DYNC2I1: variants seen among roughly 807,000 people sequenced by gnomAD.
The protein encoded by DYNC2I1 is dynein 2 intermediate chain 1.
A neutral mutation model predicts 133.4 loss-of-function variants in DYNC2I1; 89 were observed. The ratio of observed to expected loss-of-function variants is 0.67; its 90% CI spans 0.56 to 0.80. The LOEUF (loss-of-function observed/expected upper bound fraction) is 0.80, where lower values mean the gene tolerates loss of function less well. DYNC2I1 is among the 30% of genes least tolerant of loss of function. The probability of loss-of-function intolerance (pLI) is 0.00; values close to 1 mark genes in which losing one functional copy is unlikely to be tolerated. For synonymous variants in DYNC2I1, 504 were observed against 484.3 expected (o/e 1.04, Z -0.54); for missense variants, 1,291 against 1,314.5 (o/e 0.98, Z 0.28).
At chr7:158,926,904 A>G in intron 19 of DYNC2I1, 88 bp from the exon 20 acceptor site, 1 of 941,636 alleles carries the variant, frequency 1.1e-6, no homozygotes, top group Non-Finnish European at 1.6e-6. Context: ...CCTAAATAGC[A>G]CTCCATCTTA....
chr7:158,912,461 A>C (rs918552785), intron 12 of DYNC2I1, among the ~76,000 whole-genome samples: 7 of 152,084 alleles, frequency 4.6e-5, no homozygotes, highest in Admixed American at 2.6e-4. Flanking sequence ...TAAATTTTTA[A>C]ATTTTTTTTA....
upstream of DYNC2I1, among the ~76,000 whole-genome samples, chr7:158,854,833 G>C (rs1020218860): frequency 4.6e-5 from 7 of 152,216 alleles, no homozygotes; most frequent in African/African-American, 1.7e-4. Flanking sequence ...TCAGACTTAA[G>C]TTGCAGATCT....
intron 19 of DYNC2I1, among the ~76,000 whole-genome samples, chr7:158,926,759 G>A (rs1216688200): frequency 1.3e-5 from 2 of 152,216 alleles, no homozygotes; most frequent in South Asian, 2.1e-4. Context: ...TTGTCCTGGA[G>A]GATGCGCCAA....
chr7:158,905,760 A>G (rs1846735139), intron 10 of DYNC2I1, among the ~76,000 whole-genome samples: 1 of 152,202 alleles, frequency 6.6e-6, no homozygotes, highest in African/African-American at 2.4e-5. Context: ...TAATAGTGTG[A>G]GTGGCACATA....
intron 4 of DYNC2I1, among the ~76,000 whole-genome samples, chr7:158,951,588 G>C (rs768192065): frequency 5.3e-5 from 8 of 152,260 alleles, no homozygotes; most frequent in Non-Finnish European, 1.0e-4. Flanking sequence ...CCTGGCACCT[G>C]TGTGGGAGGT....
At chr7:158,939,079 T>G (rs780282868) in intron 23 of DYNC2I1, among the ~76,000 whole-genome samples, 1 of 152,214 alleles carries the variant, frequency 6.6e-6, no homozygotes, top group African/African-American at 2.4e-5. Context: ...GTGTTTTCTT[T>G]CCTTTGTTTT....
intron 8 of DYNC2I1, among the ~76,000 whole-genome samples, chr7:158,896,915 A>C (rs535251712): frequency 6.7e-6 from 1 of 149,684 alleles, no homozygotes; most frequent in South Asian, 2.1e-4. Flanking sequence ...TGCTGGCCTC[A>C]TAGAATGATT....
At chr7:158,949,422 C>G (rs777663813), downstream of DYNC2I1, among the ~76,000 whole-genome samples, 3 of 152,252 alleles carry the variant, frequency 2.0e-5, no homozygotes, top group Non-Finnish European at 4.4e-5. Flanking sequence ...CCCACTCACT[C>G]CAGGGAGTAG....
intron 5 of DYNC2I1, among the ~76,000 whole-genome samples, chr7:158,884,004 G>A (rs973842653): frequency 1.1e-4 from 16 of 147,742 alleles, no homozygotes; most frequent in Admixed American, 1.0e-3. Flanking sequence ...GCCTCATCTC[G>A]TTGTTATCCT....
intron 8 of DYNC2I1, among the ~76,000 whole-genome samples, chr7:158,899,569 A>C (rs1846048493): frequency 6.6e-6 from 1 of 151,980 alleles, no homozygotes; most frequent in Non-Finnish European, 1.5e-5. Flanking sequence ...CCCAAATCTC[A>C]ACTTGAGTTT....
chr7:158,918,279 C>T (rs1386864601), intron 14 of DYNC2I1, among the ~76,000 whole-genome samples: 1 of 152,212 alleles, frequency 6.6e-6, no homozygotes, highest in Non-Finnish European at 1.5e-5. Context: ...CTTTTTCCAT[C>T]AATCCTGTTT....
intron 4 of DYNC2I1, among the ~76,000 whole-genome samples, chr7:158,877,980 G>A (rs1348659571): frequency 1.3e-5 from 2 of 152,266 alleles, no homozygotes; most frequent in Non-Finnish European, 1.5e-5. Flanking sequence ...CATGAGGGAT[G>A]AGGCTGTGGA....
intron 1 of DYNC2I1, among the ~76,000 whole-genome samples, chr7:158,861,137 T>G (rs1841838424): frequency 6.6e-6 from 1 of 152,204 alleles, no homozygotes; most frequent in African/African-American, 2.4e-5. Context: ...TGGGGATAGG[T>G]CCCTGACATC....
chr7:158,883,886 G>A (rs1366602222), intron 5 of DYNC2I1, among the ~76,000 whole-genome samples: 46 of 149,702 alleles, frequency 3.1e-4, no homozygotes, highest in African/African-American at 1.0e-3. Context: ...GGATGGTCTC[G>A]ATCTCCTGAC....
At position 158,879,623 on chromosome 7, in the gene DYNC2I1, A is replaced by C; in HGVS notation, c.574-61A>C. On this transcript the variant is annotated intron_variant, in intron 4 of 24. Transcript: ENST00000407559. ...GTCGTTGCAGAACCCACAGAGAGGG[A>C]GGGCTGGCTGCACTCCTATTTGATG... 3 of 1,493,562 alleles carry C rather than the reference A, an allele frequency of 2.0e-6. No individual in the cohort carries two copies. In the East Asian group the frequency reaches 6.8e-5, roughly 34 times the overall value. The allele number at this position is 1,493,562 out of a possible 1,614,324, so 92.5% of individuals were successfully genotyped here. A position where few individuals can be genotyped will look rare whatever the true frequency, so the allele number is the denominator to read the frequency against.
rs1208149589 is a variant in DYNC2I1 at position 158,926,453 on chromosome 7, T to C, written c.2423T>C (p.Leu808Pro). ...HIASLDESGV[L>P]NVWVVVELPK... is the part of the protein sequence containing the mutation. Reference sequence around the variant, plus strand: ...GCTTCCTTGGATGAGAGTGGGGTTCTCAATGTATGGGTGAGTAGTGGCCCA... The same window carrying C: ...GCTTCCTTGGATGAGAGTGGGGTTCCCAATGTATGGGTGAGTAGTGGCCCA... The change falls in exon 19 of 25, where the codon CTC becomes CCC. Residue 808 changes from leucine (L) to proline (P), a missense_variant. Transcript: ENST00000407559. 1 of 1,613,292 alleles carries C rather than the reference T, an allele frequency of 6.2e-7. No individual in the cohort carries two copies. Among genetic ancestry groups the C allele is most frequent in the Non-Finnish European group, 8.5e-7 (1 of 1,179,588 alleles).
chr7:158,944,365 T>G (rs1275722938), intron 24 of DYNC2I1, among the ~76,000 whole-genome samples: 2 of 152,130 alleles, frequency 1.3e-5, no homozygotes, highest in Non-Finnish European at 2.9e-5. Context: ...ACATCTGCCG[T>G]AGGTGTAGTT....
intron 1 of DYNC2I1, among the ~76,000 whole-genome samples, chr7:158,862,883 G>C (rs534866746): frequency 2.6e-5 from 4 of 151,996 alleles, no homozygotes; most frequent in African/African-American, 7.3e-5. Context: ...ACAGACCTTC[G>C]CAGTGAGCGT....
At chr7:158,937,003 A>G (rs2129488155) in intron 23 of DYNC2I1, among the ~76,000 whole-genome samples, 1 of 152,354 alleles carries the variant, frequency 6.6e-6, no homozygotes, top group African/African-American at 2.4e-5. Context: ...CACAAGAAAC[A>G]GCAGCAAACA....
Sources: allele counts gnomAD v4.1 joint callset (sites outside exome capture counted in the v4.1 genomes callset), GRCh38; gene constraint gnomAD v4.1.1; transcripts MANE v1.5; gene names NCBI Gene and HGNC (gene_info 2026-07-23, HGNC 2026-07-21).